SFMBT2: variants seen among roughly 807,000 people sequenced by gnomAD.
SFMBT2 encodes the protein Scm like with four mbt domains 2.
SFMBT2 carries 38 observed loss-of-function variants against 110.1 expected under a neutral mutation model. That is an observed-to-expected ratio of 0.35 (90% CI 0.27 to 0.45). SFMBT2 has a LOEUF of 0.45. Among genes scored for constraint, SFMBT2 ranks in the 20% least tolerant of loss-of-function variants. SFMBT2 has a pLI of 1.00. For missense variants in SFMBT2, 1,011 were observed against 1,094.9 expected, an observed-to-expected ratio of 0.92 and a Z score of 1.08; for synonymous variants, 425 against 425.4, an observed-to-expected ratio of 1.00 and a Z score of 0.01.
At position 7,276,949 on chromosome 10, in the gene SFMBT2, A is replaced by C. The variant is rs1398385036; in HGVS notation, c.813T>G (p.Thr271=). 2 of 872,976 alleles carry C rather than the reference A, an allele frequency of 2.3e-6. No homozygotes were observed. The highest frequency in any genetic ancestry group is 3.4e-5 in the Admixed American group (2 of 59,186). The allele number at this position is 872,976 out of a possible 1,614,324, so 54.1% of individuals were successfully genotyped here. A position where few individuals can be genotyped will look rare whatever the true frequency, so the allele number is the denominator to read the frequency against. Residue 271 remains threonine (T), a synonymous_variant, in exon 7 of 21, where the codon ACT becomes ACG. Coordinates refer to ENST00000397167, the MANE Select transcript of SFMBT2 (RefSeq NM_001387889.1). ...CAGCATCAATAAGGGATTTTTCCAGAGTACATTTCCATTCAGAGGCCATCT... is the reference window on the plus strand; with the variant it reads ...CAGCATCAATAAGGGATTTTTCCAGCGTACATTTCCATTCAGAGGCCATCT... ...PLKMASEWKC[T]LEKSLIDAAK... is the part of the protein sequence containing the mutation.
chr10:7,358,581 G>A (rs1203577425), intron 4 of SFMBT2, among the ~76,000 whole-genome samples: 4 of 151,536 alleles, frequency 2.6e-5, no homozygotes, highest in Non-Finnish European at 4.4e-5. Flanking sequence ...TAGAACATCT[G>A]CATGGCCCTA....
chr10:7,231,786 C>A (rs1840115699), intron 9 of SFMBT2, among the ~76,000 whole-genome samples: 1 of 152,188 alleles, frequency 6.6e-6, no homozygotes, highest in South Asian at 2.1e-4. Context: ...CTCTTCGGGA[C>A]CTTTACTCAC....
At chr10:7,405,266 T>A (rs988223865) in intron 1 of SFMBT2, among the ~76,000 whole-genome samples, 1 of 152,252 alleles carries the variant, frequency 6.6e-6, no homozygotes, top group Non-Finnish European at 1.5e-5. Context: ...TGGGGTACAC[T>A]GTGCTATCTG....
intron 9 of SFMBT2, among the ~76,000 whole-genome samples, chr10:7,234,462 T>C (rs1371019409): frequency 6.6e-6 from 1 of 152,156 alleles, no homozygotes. Flanking sequence ...ATATCAGCTG[T>C]CAATGGCAAA....
At chr10:7,284,512 T>G in intron 5 of SFMBT2, 2 of 727,286 alleles carry the variant, frequency 2.7e-6, no homozygotes, top group Non-Finnish European at 3.4e-6. Context: ...CTAGAAAACG[T>G]GGTAGCAAAC....
chr10:7,182,956 C>T (rs187451539), intron 16 of SFMBT2, among the ~76,000 whole-genome samples: 3 of 152,022 alleles, frequency 2.0e-5, no homozygotes, highest in South Asian at 4.2e-4. Flanking sequence ...AAGGGTGAGA[C>T]GCCGATGTTA....
chr10:7,178,010 T>G (rs1838129305), intron 16 of SFMBT2, among the ~76,000 whole-genome samples: 3 of 152,214 alleles, frequency 2.0e-5, no homozygotes, highest in African/African-American at 7.2e-5. Context: ...GGCACCTTCA[T>G]CTTGGACTTT....
chr10:7,391,544 C>T (rs1845766179), intron 1 of SFMBT2, among the ~76,000 whole-genome samples: 1 of 151,860 alleles, frequency 6.6e-6, no homozygotes, highest in South Asian at 2.1e-4. Context: ...TGGAAGACTT[C>T]CCCCTACGTC....
chr10:7,321,363 G>A (rs893025730), intron 4 of SFMBT2, among the ~76,000 whole-genome samples: 4 of 152,052 alleles, frequency 2.6e-5, no homozygotes, highest in Admixed American at 1.3e-4. Flanking sequence ...CAACACGCCC[G>A]GCTAATTTTT....
chr10:7,262,899 A>G (rs1841254365), intron 7 of SFMBT2, among the ~76,000 whole-genome samples: 1 of 152,186 alleles, frequency 6.6e-6, no homozygotes, highest in Non-Finnish European at 1.5e-5. Context: ...CAGGCAAAGG[A>G]TCCCACAGAT....
At chr10:7,239,279 A>G (rs1467456457) in intron 9 of SFMBT2, among the ~76,000 whole-genome samples, 1 of 152,250 alleles carries the variant, frequency 6.6e-6, no homozygotes, top group Non-Finnish European at 1.5e-5. Flanking sequence ...AAACATACAC[A>G]TGTGGAAACA....
rs573587862 is a variant in SFMBT2 at position 7,252,592 on chromosome 10, C to T, written c.871-3943G>A. On this transcript the variant is annotated intron_variant, in intron 7 of 20. Coordinates refer to ENST00000397167, the MANE Select transcript of SFMBT2 (RefSeq NM_001387889.1). ...ACATCAAAACCAAGCATGGTGGATGCGGGATGAAAATAAAAATAGCATGAC... is the reference window on the plus strand; with the variant it reads ...ACATCAAAACCAAGCATGGTGGATGTGGGATGAAAATAAAAATAGCATGAC... 1.6e-4 allele frequency among the ~76,000 whole-genome samples: 24 copies of T among 152,186 alleles called. 1 individual carries two copies. Among genetic ancestry groups the T allele is most frequent in the South Asian group, 6.2e-4 (3 of 4,812 alleles).
chr10:7,330,699 T>C (rs529793444), intron 4 of SFMBT2, among the ~76,000 whole-genome samples: 11 of 152,286 alleles, frequency 7.2e-5, no homozygotes, highest in South Asian at 2.1e-4. Context: ...CATCTCTCTC[T>C]ATCCCCCATC....
chr10:7,215,967 GA>G (rs1839521357), intron 11 of SFMBT2: 1 of 152,624 alleles, frequency 6.6e-6, no homozygotes, highest in South Asian at 2.1e-4. Context: ...TGGCTCCTGA[GA>G]ATTTCCTCTT....
At chr10:7,201,850 C>G (rs1410154917) in intron 13 of SFMBT2, among the ~76,000 whole-genome samples, 1 of 152,244 alleles carries the variant, frequency 6.6e-6, no homozygotes, top group Non-Finnish European at 1.5e-5. Flanking sequence ...CACCCTGTTT[C>G]CACAGAAAAT....
intron 6 of SFMBT2, among the ~76,000 whole-genome samples, chr10:7,277,713 C>G (rs1841828231): frequency 6.6e-6 from 1 of 151,982 alleles, no homozygotes; most frequent in South Asian, 2.1e-4. Context: ...CTGATCTCAA[C>G]AGATTTAAGA....
intron 1 of SFMBT2, among the ~76,000 whole-genome samples, chr10:7,407,102 G>A (rs1386073317): frequency 1.3e-5 from 2 of 152,182 alleles, no homozygotes; most frequent in African/African-American, 4.8e-5. Context: ...ATGGAAGGGA[G>A]AAAGCAGAGT....
chr10:7,366,000 T>G (rs955046278), intron 4 of SFMBT2, among the ~76,000 whole-genome samples: 10 of 152,134 alleles, frequency 6.6e-5, no homozygotes, highest in African/African-American at 2.4e-4. Context: ...AAAAGAATAG[T>G]ACAACTGCAA....
chr10:7,250,892 G>A (rs544761802), intron 7 of SFMBT2, among the ~76,000 whole-genome samples: 94 of 152,306 alleles, frequency 6.2e-4, no homozygotes, highest in Non-Finnish European at 1.2e-3. Flanking sequence ...TGTACAGAGA[G>A]CGAATGTGGA....
Sources: gnomAD v4.1 joint callset for allele counts (sites outside exome capture counted in the v4.1 genomes callset) on GRCh38, gnomAD v4.1.1 for gene constraint, MANE v1.5 for transcripts, NCBI Gene and HGNC (gene_info 2026-07-23, HGNC 2026-07-21) for gene names.